Variants in ACER1 observed in about 807,000 individuals in gnomAD.
ACER1 encodes the protein alkaline ceramidase 1.
ACER1 carries 28 observed loss-of-function variants against 24.9 expected under a neutral mutation model. The observed-to-expected ratio is 1.13, with a 90% CI of 0.83 to 1.54. ACER1 has a LOEUF of 1.54. Among genes scored for constraint, ACER1 ranks in the 40% most tolerant of loss-of-function variants. The probability of loss-of-function intolerance (pLI) is 0.00; values close to 1 mark genes in which losing one functional copy is unlikely to be tolerated. For synonymous variants in ACER1, 132 were observed against 131.4 expected (o/e 1.00, Z -0.03); for missense variants, 352 against 349.3 (o/e 1.01, Z -0.06).
At chr19:6,333,430 G>C (rs145335284) in intron 1 of ACER1, 29 bp downstream of exon 1, 1 of 1,531,012 alleles carries the variant, frequency 6.5e-7, no homozygotes, top group East Asian at 2.4e-5. Flanking sequence ...GGCATCTGGC[G>C]AGACTCCTTC....
chr19:6,307,329 A>T (rs767968355), intron 4 of ACER1, 39 bp from the exon 5 acceptor site: 1 of 1,609,248 alleles, frequency 6.2e-7, no homozygotes, highest in Admixed American at 1.7e-5. Context: ...TGGCTCGGAG[A>T]GCAGCACCTG....
chr19:6,357,801 G>A, the ACER1 span, among the ~76,000 whole-genome samples: 1 of 151,954 alleles, frequency 6.6e-6, no homozygotes, highest in Admixed American at 6.6e-5. Context: ...GGATCTCTTA[G>A]AGTGAAGAAT....
upstream of ACER1, among the ~76,000 whole-genome samples, chr19:6,337,977 C>T (rs1452437624): frequency 6.6e-6 from 1 of 151,258 alleles, no homozygotes; most frequent in Non-Finnish European, 1.5e-5. Context: ...GCGCCCAGCC[C>T]CAGAATTTTC....
the ACER1 span, among the ~76,000 whole-genome samples, chr19:6,346,785 T>C: frequency 1.3e-5 from 2 of 151,924 alleles, no homozygotes; most frequent in Non-Finnish European, 2.9e-5. Context: ...AATCTGTCCA[T>C]CTAGCTCAGA....
At chr19:6,355,831 C>T in the ACER1 span, among the ~76,000 whole-genome samples, 34 of 147,568 alleles carry the variant, frequency 2.3e-4, 5 homozygotes, top group African/African-American at 7.8e-4. Flanking sequence ...CCAGCCGCTC[C>T]ATCCGGGAGG....
At chr19:6,335,162 ATATAT>A (rs1045033405), upstream of ACER1, among the ~76,000 whole-genome samples, 35 of 143,394 alleles carry the variant, frequency 2.4e-4, no homozygotes, top group Admixed American at 4.2e-4. Context: ...AATTAATATT[ATATAT>A]TATATAATTT....
At chr19:6,345,106 G>A in the ACER1 span, among the ~76,000 whole-genome samples, 1 of 151,940 alleles carries the variant, frequency 6.6e-6, no homozygotes, top group Non-Finnish European at 1.5e-5. Context: ...GCTGGTCAAG[G>A]CTGGTCTCAA....
intron 1 of ACER1, among the ~76,000 whole-genome samples, chr19:6,318,621 CA>C (rs1250583933): frequency 0.22 from 18,204 of 81,946 alleles, 2,155 homozygotes; most frequent in African/African-American, 0.37. Flanking sequence ...ACTAAAAATA[CA>C]AAAAAAAAAA....
chr19:6,309,585 A>C (rs111421387), intron 4 of ACER1, 112 bp downstream of exon 4: 7 of 1,377,730 alleles, frequency 5.1e-6, no homozygotes, highest in African/African-American at 1.4e-5. Context: ...TGGCCCTGCT[A>C]CTTGTTAGTG....
the ACER1 span, among the ~76,000 whole-genome samples, chr19:6,358,014 C>T: frequency 5.9e-5 from 9 of 152,054 alleles, no homozygotes; most frequent in African/African-American, 1.9e-4. Context: ...GGGCAGCGTC[C>T]GGAGGAGTGA....
the ACER1 span, among the ~76,000 whole-genome samples, chr19:6,357,222 T>C: frequency 6.6e-6 from 1 of 151,952 alleles, no homozygotes; most frequent in Non-Finnish European, 1.5e-5. Flanking sequence ...AATTTTTGTA[T>C]TTTTAGTTGA....
intron 1 of ACER1, among the ~76,000 whole-genome samples, chr19:6,327,782 T>TA (rs995345243): frequency 6.1e-4 from 89 of 146,830 alleles, no homozygotes; most frequent in Admixed American, 6.8e-4. Flanking sequence ...TCAGTGTCAA[T>TA]AAAAAAAAAA....
chr19:6,310,453 C>T (rs1238356692), intron 3 of ACER1, among the ~76,000 whole-genome samples: 1 of 152,032 alleles, frequency 6.6e-6, no homozygotes, highest in African/African-American at 2.4e-5. Flanking sequence ...TGCCTGTAAT[C>T]CCAGCTACTC....
the ACER1 span, among the ~76,000 whole-genome samples, chr19:6,354,636 T>C: frequency 6.6e-6 from 1 of 152,228 alleles, no homozygotes; most frequent in Middle Eastern, 3.4e-3. Context: ...AAAGGTTTAA[T>C]GGGCTGAGTG....
chr19:6,344,951 C>T, the ACER1 span, among the ~76,000 whole-genome samples: 8 of 151,608 alleles, frequency 5.3e-5, no homozygotes, highest in African/African-American at 1.9e-4. Context: ...CTGCAACCTC[C>T]GCCTCCCGGG....
the ACER1 span, among the ~76,000 whole-genome samples, chr19:6,349,975 A>T: frequency 6.6e-6 from 1 of 152,154 alleles, no homozygotes; most frequent in Non-Finnish European, 1.5e-5. Context: ...TACCAAAAAT[A>T]CAAAAAGTAG....
the ACER1 span, among the ~76,000 whole-genome samples, chr19:6,351,690 G>A: frequency 4.6e-5 from 7 of 152,000 alleles, no homozygotes; most frequent in African/African-American, 1.7e-4. Context: ...CTGTGATTGC[G>A]CTACTGCACT....
chr19:6,335,074 T>C (rs1460178902), upstream of ACER1, among the ~76,000 whole-genome samples: 1 of 147,024 alleles, frequency 6.8e-6, no homozygotes, highest in Non-Finnish European at 1.5e-5. Context: ...AATTATTATA[T>C]TAAAAATACT....
the ACER1 span, among the ~76,000 whole-genome samples, chr19:6,343,072 C>T: frequency 3.3e-5 from 5 of 152,112 alleles, no homozygotes; most frequent in African/African-American, 1.2e-4. Flanking sequence ...TCACCGCACC[C>T]AGCCAAAAGT....
Sources: gnomAD v4.1 joint callset for allele counts (sites outside exome capture counted in the v4.1 genomes callset) on GRCh38, gnomAD v4.1.1 for gene constraint, MANE v1.5 for transcripts, NCBI Gene and HGNC (gene_info 2026-07-23, HGNC 2026-07-21) for gene names.